The following NUP214 variants were observed in gnomAD, a reference collection of about 807,000 sequenced individuals.
The protein encoded by NUP214 is nuclear pore complex protein Nup214.
Under a neutral mutation model 196.2 loss-of-function variants are expected in NUP214, and 79 were observed. That is an observed-to-expected ratio of 0.40 (90% confidence interval 0.34 to 0.49). The LOEUF (loss-of-function observed/expected upper bound fraction) is 0.49, where lower values mean the gene tolerates loss of function less well. Among genes scored for constraint, NUP214 ranks in the 20% least tolerant of loss-of-function variants. The pLI is 0.58. For synonymous variants in NUP214, 1,020 were observed against 990.5 expected, an observed-to-expected ratio of 1.03 and a Z score of -0.56; for missense variants, 2,468 against 2,539.0, an observed-to-expected ratio of 0.97 and a Z score of 0.60.
chr9:131,144,216 T>A lies in NUP214; in HGVS notation c.1295-64T>A, dbSNP rs993349193. 1.3e-5 allele frequency: 17 copies of A among 1,266,248 alleles called. No individual in the cohort carries two copies. In the South Asian group the frequency reaches 1.9e-4, roughly 14 times the overall value. 78.4% of individuals were successfully genotyped at this position (1,266,248 alleles called of 1,614,324 possible). A position where few individuals can be genotyped will look rare whatever the true frequency, so the allele number is the denominator to read the frequency against. On this transcript the variant is annotated intron_variant, in intron 11 of 35. Coordinates refer to ENST00000359428, the MANE Select transcript of NUP214 (RefSeq NM_005085.4). ...TACCACAAATTCTTTTTCACTTGCTTTCTATTATGTGAACCTCCACTGTTA... is the reference window on the plus strand; with the variant it reads ...TACCACAAATTCTTTTTCACTTGCTATCTATTATGTGAACCTCCACTGTTA...
intron 4 of NUP214, 138 bp from the exon 5 acceptor site, chr9:131,130,628 A>G (rs1048946221): frequency 1.6e-5 from 12 of 743,494 alleles, no homozygotes; most frequent in African/African-American, 1.8e-5. Flanking sequence ...ACTTTTTTCC[A>G]CTTTGCCTGA....
intron 24 of NUP214, among the ~76,000 whole-genome samples, chr9:131,180,242 G>T (rs958481119): frequency 2.6e-5 from 4 of 152,184 alleles, no homozygotes; most frequent in East Asian, 3.8e-4. Context: ...TCATGTGTAT[G>T]CCCAGCATGG....
At chr9:131,215,517 T>C in intron 31 of NUP214, 149 bp downstream of exon 31, 1 of 913,446 alleles carries the variant, frequency 1.1e-6, no homozygotes, top group Non-Finnish European at 1.5e-6. Flanking sequence ...GTGTGATCTG[T>C]TTTGCTTTTT....
intron 30 of NUP214, among the ~76,000 whole-genome samples, chr9:131,208,557 C>T (rs1834147362): frequency 1.3e-5 from 2 of 151,894 alleles, no homozygotes; most frequent in South Asian, 4.2e-4. Flanking sequence ...ATTATCCAGG[C>T]GTGGTGGCGG....
At chr9:131,154,313 G>A (rs936002451) in intron 17 of NUP214, among the ~76,000 whole-genome samples, 1 of 151,860 alleles carries the variant, frequency 6.6e-6, no homozygotes, top group African/African-American at 2.4e-5. Context: ...TGAGATTTTG[G>A]TGCACCCATC....
At chr9:131,187,055 C>T in intron 24 of NUP214, 1 of 478,608 alleles carries the variant, frequency 2.1e-6, no homozygotes, top group African/African-American at 2.0e-5. Context: ...CTTTGGATTG[C>T]AGAAAGGAAA....
intron 30 of NUP214, among the ~76,000 whole-genome samples, 182 bp from the exon 31 acceptor site, chr9:131,215,030 C>T (rs1172359707): frequency 6.6e-6 from 1 of 152,164 alleles, no homozygotes; most frequent in Non-Finnish European, 1.5e-5. Context: ...GAGAACTTCT[C>T]ATAGATAGGA....
intron 11 of NUP214, among the ~76,000 whole-genome samples, chr9:131,142,621 A>G (rs1437981648): frequency 1.3e-5 from 2 of 152,210 alleles, no homozygotes; most frequent in Admixed American, 6.5e-5. Flanking sequence ...TATATTTTTC[A>G]TGTCAGTTTA....
rs1280180124 is a variant in NUP214, at chr9:131,175,541, C to T, written c.3239C>T (p.Pro1080Leu). The T allele has an allele frequency of 1.6e-5, 26 of 1,614,084 alleles. No individual in the cohort carries two copies. The highest frequency in any genetic ancestry group is 2.1e-5 in the Non-Finnish European group (25 of 1,180,028). Residue 1080 changes from proline (P) to leucine (L), a missense_variant, in exon 23 of 36, where the codon CCT becomes CTT. Physicochemically the swap from Pro to Leu is moderately conservative, Grantham distance 98. This residue lies in a region of NUP214 where 1,801 missense variants were observed against 1,779.4 expected (regional missense o/e 1.01). Coordinates refer to ENST00000359428, the MANE Select transcript of NUP214 (RefSeq NM_005085.4). ...ACGAAAACCGTGAAACATGGTGCAC[C>T]TAGTCCTTCCCACCCCATCTCAGCC... ...LATKTVKHGA[P>L]SPSHPISAPQ...
chr9:131,197,700 C>T lies in NUP214; in HGVS notation c.4206C>T (p.Ala1402=), dbSNP rs1203484231. ...ATTTSVAPPA[A]TSTSSTAVFG... is the part of the protein sequence containing the mutation. ...CCACCTCAGTAGCACCACCAGCAGC[C>T]ACCAGCACTTCCTCAACTGCCGTTT... The change falls in exon 29 of 36, where the codon GCC becomes GCT. Residue 1402 remains alanine, a synonymous_variant. Transcript: ENST00000359428. 1.3e-5 allele frequency: 21 copies of T among 1,614,230 alleles called. No homozygotes were observed. The East Asian group carries it at 4.7e-4, about 36-fold the overall frequency.
intron 19 of NUP214, 106 bp from the exon 20 acceptor site, chr9:131,163,764 G>A (rs1832710202): frequency 6.6e-6 from 5 of 763,200 alleles, no homozygotes; most frequent in Non-Finnish European, 1.1e-5. Flanking sequence ...TATATATTGG[G>A]GATATTCTCA....
chr9:131,145,123 C>G (rs73658936), intron 12 of NUP214, among the ~76,000 whole-genome samples: 1,995 of 152,146 alleles, frequency 0.013, 39 homozygotes, highest in African/African-American at 0.046. Flanking sequence ...TGTGTCTACC[C>G]TTAACTCTCT....
rs1337446823 is a variant in NUP214 at position 131,198,232 on chromosome 9, G to A, written c.4738G>A (p.Glu1580Lys). The change falls in exon 29 of 36, where the codon GAG (glutamate) becomes AAG (lysine). Residue 1580 changes from glutamate to lysine, a missense_variant. Around this residue, in one of 5 missense-constraint regions of NUP214, gnomAD observed 1,801 missense variants for 1,779.4 expected, o/e 1.01. Transcript: ENST00000359428. ...CACGGGGGTCCCTGATGCCAGGACG[G>A]AGGCAGTACCACCTGCTTCCTCCTT... ...ATTGVPDART[E>K]AVPPASSFSV... 9 of 1,614,202 alleles carry A rather than the reference G, an allele frequency of 5.6e-6. No individual in the cohort carries two copies. The highest frequency in any genetic ancestry group is 1.1e-5 in the South Asian group (1 of 91,084).
chr9:131,221,913 G>C (rs985460736), intron 31 of NUP214, among the ~76,000 whole-genome samples: 2 of 151,840 alleles, frequency 1.3e-5, no homozygotes, highest in Non-Finnish European at 2.9e-5. Context: ...GACAGCTGCT[G>C]TGTATGTGGA....
chr9:131,216,525 CTTT>C (rs59503012), intron 31 of NUP214, among the ~76,000 whole-genome samples: 4 of 126,290 alleles, frequency 3.2e-5, no homozygotes, highest in South Asian at 2.6e-4. Flanking sequence ...CACGCCCAGG[CTTT>C]TTTTTTTTTT....
At chr9:131,228,053 C>G (rs1834772243) in intron 32 of NUP214, 107 bp from the exon 33 acceptor site, 1 of 1,154,200 alleles carries the variant, frequency 8.7e-7, no homozygotes, top group African/African-American at 1.6e-5. Context: ...CCTCTTTTCC[C>G]TTTTTTCTTC....
At chr9:131,211,444 T>A (rs933243935) in intron 30 of NUP214, among the ~76,000 whole-genome samples, 2 of 152,198 alleles carry the variant, frequency 1.3e-5, no homozygotes, top group African/African-American at 4.8e-5. Context: ...TCCTGGTAAT[T>A]CAGTTGTTGA....
At chr9:131,158,202 C>G (rs1473644968) in intron 17 of NUP214, among the ~76,000 whole-genome samples, 1 of 152,098 alleles carries the variant, frequency 6.6e-6, no homozygotes, top group African/African-American at 2.4e-5. Flanking sequence ...CCTCAGCCTC[C>G]CAAGTACCTG....
chr9:131,164,876 T>C (rs1158345587), intron 21 of NUP214, among the ~76,000 whole-genome samples: 1 of 152,206 alleles, frequency 6.6e-6, no homozygotes, highest in Non-Finnish European at 1.5e-5. Flanking sequence ...CTGCTTTGTT[T>C]TAGTATCCAT....
Sources: allele counts gnomAD v4.1 joint callset (sites outside exome capture counted in the v4.1 genomes callset), GRCh38; gene constraint gnomAD v4.1.1; regional missense constraint gnomAD v4.1.1; transcripts MANE v1.5; gene names NCBI Gene and HGNC (gene_info 2026-07-23, HGNC 2026-07-21).